Variants in TULP4 observed in about 807,000 individuals in gnomAD.
TULP4 encodes the protein tubby-related protein 4.
Under a neutral mutation model 129.0 loss-of-function variants are expected in TULP4, and 16 were observed. The observed-to-expected ratio is 0.12, with a 90% CI of 0.08 to 0.19. TULP4 has a LOEUF of 0.19. TULP4 is among the 10% of genes least tolerant of loss of function. The pLI, the probability that TULP4 is intolerant of heterozygous loss-of-function variation, is 1.00. For missense variants in TULP4, 1,842 were observed against 2,059.1 expected, an observed-to-expected ratio of 0.89 and a Z score of 2.04; for synonymous variants, 998 against 854.0, an observed-to-expected ratio of 1.17 and a Z score of -2.94.
chr6:158,246,023 G>GGGGGGGTGT (rs113914160), intron 1 of TULP4, among the ~76,000 whole-genome samples: 9 of 145,920 alleles, frequency 6.2e-5, no homozygotes, highest in Admixed American at 5.5e-4. Context: ...ACCCCTTAGG[G>GGGGGGGTGT]GTGTGTGTGT....
chr6:158,412,939 A>G, intron 1 of TULP4, 126 bp from the exon 2 acceptor site: 3 of 1,347,466 alleles, frequency 2.2e-6, no homozygotes, highest in Non-Finnish European at 3.0e-6. Flanking sequence ...TGATCCCTGC[A>G]TTCGCCCCCA....
intron 1 of TULP4, among the ~76,000 whole-genome samples, chr6:158,379,704 G>A (rs112228709): frequency 1.1e-4 from 17 of 152,142 alleles, no homozygotes; most frequent in African/African-American, 4.1e-4. Context: ...GAGGGTCCAG[G>A]TACTCCATGC....
At chr6:158,362,976 C>T (rs769158361) in intron 1 of TULP4, among the ~76,000 whole-genome samples, 90 of 148,986 alleles carry the variant, frequency 6.0e-4, no homozygotes, top group Admixed American at 1.5e-3. Context: ...GCAGGAGAAG[C>T]GCTTGAACCC....
intron 1 of TULP4, among the ~76,000 whole-genome samples, chr6:158,402,888 G>GTTTTTT (rs34604658): frequency 7.8e-6 from 1 of 127,956 alleles, no homozygotes. Context: ...GGCTTTGGGA[G>GTTTTTT]TTTTTTTTTT....
chr6:158,473,356 A>G (rs990359728), intron 6 of TULP4, among the ~76,000 whole-genome samples: 3 of 152,162 alleles, frequency 2.0e-5, no homozygotes, highest in Non-Finnish European at 4.4e-5. Context: ...AAATACAAGG[A>G]TGGTTGTGTT....
At chr6:158,372,164 CTTT>C (rs67123255) in intron 1 of TULP4, among the ~76,000 whole-genome samples, 1 of 83,322 alleles carries the variant, frequency 1.2e-5, no homozygotes. Context: ...ATTCTATCTG[CTTT>C]TTTTTTTTTT....
chr6:158,287,594 A>C (rs1778854322), intron 1 of TULP4, among the ~76,000 whole-genome samples: 3 of 152,188 alleles, frequency 2.0e-5, no homozygotes, highest in African/African-American at 7.2e-5. Flanking sequence ...TGAATGAGCA[A>C]CTTAAGATAG....
chr6:158,348,254 G>T (rs1464180528), intron 1 of TULP4, among the ~76,000 whole-genome samples: 6 of 143,506 alleles, frequency 4.2e-5, no homozygotes, highest in African/African-American at 1.0e-4. Context: ...TAGGATAATA[G>T]TGGAGAGAAG....
chr6:158,455,055 A>ATTTTTTTTTTTTTT (rs781328845), intron 5 of TULP4, among the ~76,000 whole-genome samples: 1 of 33,198 alleles, frequency 3.0e-5, no homozygotes, highest in African/African-American at 2.3e-4. Context: ...CAAATTTAAC[A>ATTTTTTTTTTTTTT]TTTTTTTTTT....
intron 11 of TULP4, among the ~76,000 whole-genome samples, chr6:158,496,095 T>G (rs1385768005): frequency 6.6e-6 from 1 of 152,186 alleles, no homozygotes; most frequent in Non-Finnish European, 1.5e-5. Context: ...AGAAGGTCCA[T>G]TCCAGAGCAA....
intron 1 of TULP4, among the ~76,000 whole-genome samples, chr6:158,320,985 A>G (rs191210640): frequency 5.8e-4 from 89 of 152,224 alleles, no homozygotes; most frequent in African/African-American, 1.2e-3. Context: ...TGGAAGATCA[A>G]TGTACCCTGT....
At chr6:158,249,999 T>C (rs144955179) in intron 1 of TULP4, among the ~76,000 whole-genome samples, 2,351 of 152,208 alleles carry the variant, frequency 0.015, 66 homozygotes, top group African/African-American at 0.054. Flanking sequence ...TGAGACGGAG[T>C]CTTGCTGTGT....
At chr6:158,241,458 G>A (rs1777908325) in intron 1 of TULP4, among the ~76,000 whole-genome samples, 1 of 150,832 alleles carries the variant, frequency 6.6e-6, no homozygotes, top group African/African-American at 2.4e-5. Context: ...GGGCACCATT[G>A]AGCACTGAGT....
In TULP4 at chr6:158,236,795, CTTTT is replaced by C. The variant is rs71030149; in HGVS notation, n.68+4525_68+4528del. On this transcript the variant is annotated intron_variant and non_coding_transcript_variant, in intron 1 of 1. Coordinates refer to the TULP4 transcript ENST00000620026. ...AGATGGGTAAATGCCCAATTCTTTTCTTTTTTTTTTTTTTTTTTTTTTTTTTTTT... is the reference window on the plus strand; with the variant it reads ...AGATGGGTAAATGCCCAATTCTTTTCTTTTTTTTTTTTTTTTTTTTTTTTT... 2.1e-3 allele frequency among the ~76,000 whole-genome samples: 131 copies of C among 63,274 alleles called. 2 individuals carry two copies. The highest frequency in any genetic ancestry group is 6.0e-3 in the African/African-American group (84 of 13,916). 41.5% of individuals were successfully genotyped at this position (63,274 alleles called of 152,430 possible).
At chr6:158,252,322 C>CT (rs370152701) in intron 1 of TULP4, among the ~76,000 whole-genome samples, 310 of 138,102 alleles carry the variant, frequency 2.2e-3, no homozygotes, top group African/African-American at 5.8e-3. Flanking sequence ...AATGTTTTTT[C>CT]TTTTTTTTTT....
chr6:158,443,755 A>G (rs958685494), intron 3 of TULP4, among the ~76,000 whole-genome samples: 2 of 152,084 alleles, frequency 1.3e-5, no homozygotes, highest in Non-Finnish European at 2.9e-5. Flanking sequence ...CTGTGAAATT[A>G]CATTTCATCT....
chr6:158,285,933 C>G (rs1036927716), intron 1 of TULP4, among the ~76,000 whole-genome samples: 1 of 152,158 alleles, frequency 6.6e-6, no homozygotes, highest in Non-Finnish European at 1.5e-5. Flanking sequence ...TTTCAGCTCT[C>G]CATTTGAGTC....
intron 1 of TULP4, among the ~76,000 whole-genome samples, chr6:158,378,485 T>TTTTTTTGTTG (rs1554285635): frequency 1.2e-4 from 6 of 51,284 alleles, no homozygotes; most frequent in African/African-American, 3.1e-4. Context: ...TTTTTTTTTT[T>TTTTTTTGTTG]GGTGGGGGTG....
At chr6:158,267,122 T>C (rs1778460356) in intron 1 of TULP4, among the ~76,000 whole-genome samples, 1 of 152,232 alleles carries the variant, frequency 6.6e-6, no homozygotes, top group African/African-American at 2.4e-5. Context: ...TCATCCATGT[T>C]GTAGCATGTG....
Sources: gnomAD v4.1 joint callset for allele counts (sites outside exome capture counted in the v4.1 genomes callset) on GRCh38, gnomAD v4.1.1 for gene constraint, MANE v1.5 for transcripts, NCBI Gene and HGNC (gene_info 2026-07-23, HGNC 2026-07-21) for gene names.